Variants in CLOCK observed in about 807,000 individuals in gnomAD.
CLOCK encodes the protein circadian locomoter output cycles protein kaput.
A neutral mutation model predicts 118.4 loss-of-function variants in CLOCK; 43 were observed. That is an observed-to-expected ratio of 0.36 (90% CI 0.28 to 0.47). The LOEUF is 0.47. CLOCK is among the 20% of genes least tolerant of loss of function. The pLI is 1.00. For missense variants in CLOCK, 846 were observed against 999.9 expected (o/e 0.85, Z 2.08); for synonymous variants, 326 against 339.2 (o/e 0.96, Z 0.43).
chr4:55,535,242 T>C (rs577134837), intron 1 of CLOCK, among the ~76,000 whole-genome samples: 5 of 152,128 alleles, frequency 3.3e-5, no homozygotes, highest in Non-Finnish European at 7.3e-5. Flanking sequence ...TTTAGGTTTG[T>C]CAAAACTCAA....
Position 55,435,372 on chromosome 4 carries a change from C to T in CLOCK, c.*43G>A. On this transcript the variant is annotated 3_prime_UTR_variant, in exon 23 of 23. Coordinates refer to ENST00000513440, the MANE Select transcript of CLOCK (RefSeq NM_004898.4). ...GGTCATCTGAGTAACTCTTAATGGG[C>T]CATCCCCTTCCTCCCTTGATGTCAA... The T allele has an allele frequency of 6.2e-7, 1 of 1,609,488 alleles. No individual in the cohort carries two copies. Among genetic ancestry groups the T allele is most frequent in the Admixed American group, 1.7e-5 (1 of 59,956 alleles).
chr4:55,439,845 GAGA>G (rs1267850912), intron 21 of CLOCK, among the ~76,000 whole-genome samples: 2 of 152,254 alleles, frequency 1.3e-5, no homozygotes, highest in African/African-American at 4.8e-5. Flanking sequence ...TGGTTGGGGA[GAGA>G]AGAATGGGGA....
intron 6 of CLOCK, 48 bp from the exon 7 acceptor site, chr4:55,476,102 G>C (rs765094475): frequency 8.2e-7 from 1 of 1,219,586 alleles, no homozygotes; most frequent in African/African-American, 1.5e-5. Context: ...CACCGGAGGA[G>C]TACAAAAGCC....
At chr4:55,520,047 G>T (rs907365226) in intron 1 of CLOCK, among the ~76,000 whole-genome samples, 4 of 152,136 alleles carry the variant, frequency 2.6e-5, no homozygotes, top group African/African-American at 4.8e-5. Flanking sequence ...CTCTGCAGTT[G>T]TATCACCTTA....
At chr4:55,540,436 C>T (rs914996183) in intron 1 of CLOCK, 1 of 152,044 alleles carries the variant, frequency 6.6e-6, no homozygotes, top group Non-Finnish European at 1.5e-5. Flanking sequence ...CAACTCTTTA[C>T]ATTAAACCAT....
chr4:55,467,193 G>C (rs1327339730), intron 8 of CLOCK, among the ~76,000 whole-genome samples: 1 of 152,128 alleles, frequency 6.6e-6, no homozygotes, highest in Non-Finnish European at 1.5e-5. Context: ...ATTCCAATGA[G>C]ATCTATCACA....
intron 2 of CLOCK, among the ~76,000 whole-genome samples, chr4:55,499,863 C>T (rs549100151): frequency 6.6e-6 from 1 of 152,154 alleles, no homozygotes; most frequent in South Asian, 2.1e-4. Flanking sequence ...TGTGTTCATA[C>T]ATGCAATTAG....
At position 55,434,159 on chromosome 4, in the gene CLOCK, C is replaced by G. The variant is rs912023739; in HGVS notation, c.*1256G>C. ...AAGGTTTCAAAACTGCTACGGAAACCGGACAATGACTTCAAGATGGTGAGT... is the reference window on the plus strand; with the variant it reads ...AAGGTTTCAAAACTGCTACGGAAACGGGACAATGACTTCAAGATGGTGAGT... On this transcript the variant is annotated 3_prime_UTR_variant, in exon 23 of 23. Transcript: ENST00000513440. 6.6e-6 allele frequency: 1 copy of G among 152,548 alleles called. No homozygotes were observed. Among genetic ancestry groups the G allele is most frequent in the Non-Finnish European group, 1.5e-5 (1 of 68,034 alleles). 9.4% of individuals were successfully genotyped at this position (152,548 alleles called of 1,614,324 possible). A position where few individuals can be genotyped will look rare whatever the true frequency, so the allele number is the denominator to read the frequency against.
At chr4:55,535,476 G>A (rs1730832849) in intron 1 of CLOCK, among the ~76,000 whole-genome samples, 1 of 152,070 alleles carries the variant, frequency 6.6e-6, no homozygotes, top group Non-Finnish European at 1.5e-5. Flanking sequence ...GAAGGTCAAA[G>A]CAGGAGGATC....
chr4:55,459,091 A>C (rs1221630016), intron 10 of CLOCK, 57 bp downstream of exon 10: 2 of 1,464,550 alleles, frequency 1.4e-6, no homozygotes, highest in African/African-American at 1.4e-5. Flanking sequence ...CTATGTCTTT[A>C]AGAGCACAGA....
At chr4:55,448,668 G>C in intron 18 of CLOCK, 111 bp downstream of exon 18, 1 of 581,942 alleles carries the variant, frequency 1.7e-6, no homozygotes, top group Non-Finnish European at 3.1e-6. Context: ...CTCCCAAGTA[G>C]CTGTGGCTAC....
chr4:55,444,993 G>A (rs974327242), intron 18 of CLOCK, among the ~76,000 whole-genome samples: 1 of 152,116 alleles, frequency 6.6e-6, no homozygotes, highest in African/African-American at 2.4e-5. Context: ...TTTGCCAGCA[G>A]GCACAAAGTT....
At chr4:55,530,946 G>A (rs1336156275) in intron 1 of CLOCK, among the ~76,000 whole-genome samples, 2 of 152,078 alleles carry the variant, frequency 1.3e-5, no homozygotes, top group South Asian at 4.2e-4. Flanking sequence ...GAAGCAGGAA[G>A]TAGGAGGGCT....
chr4:55,456,079 G>T (rs962300713), intron 12 of CLOCK, 76 bp from the exon 13 acceptor site: 13 of 1,119,508 alleles, frequency 1.2e-5, no homozygotes, highest in Non-Finnish European at 1.6e-5. Flanking sequence ...ATAAACTTTG[G>T]GGGGGGGGCT....
intron 1 of CLOCK, among the ~76,000 whole-genome samples, chr4:55,516,096 T>C (rs1467938832): frequency 6.6e-6 from 1 of 152,194 alleles, no homozygotes; most frequent in African/African-American, 2.4e-5. Flanking sequence ...TTTAAATTTG[T>C]TAAGGTGTTT....
intron 2 of CLOCK, among the ~76,000 whole-genome samples, chr4:55,492,822 G>A (rs765004450): frequency 2.6e-5 from 4 of 152,146 alleles, no homozygotes; most frequent in Admixed American, 2.0e-4. Flanking sequence ...TCTGACCTGG[G>A]TGACAGAGCG....
chr4:55,513,822 G>A (rs1019009416), intron 1 of CLOCK, among the ~76,000 whole-genome samples: 1 of 151,792 alleles, frequency 6.6e-6, no homozygotes, highest in Admixed American at 6.6e-5. Flanking sequence ...AGTTTTCTTT[G>A]TACATATTTT....
At chr4:55,530,315 G>C (rs1168342572) in intron 1 of CLOCK, among the ~76,000 whole-genome samples, 1 of 152,074 alleles carries the variant, frequency 6.6e-6, no homozygotes, top group Non-Finnish European at 1.5e-5. Context: ...ATGCTCAACA[G>C]AATTGAGCAA....
Position 55,485,212 on chromosome 4 carries a change from G to A in CLOCK, c.-43-2384C>T, listed in dbSNP as rs555824227. On this transcript the variant is annotated intron_variant, in intron 3 of 22. Transcript: ENST00000513440. ...ACTCCTCAACTCTGGTGATCCGCCTGCCTCAGCCTCCCAAAGTGCTGGGAT... is the reference window on the plus strand; with the variant it reads ...ACTCCTCAACTCTGGTGATCCGCCTACCTCAGCCTCCCAAAGTGCTGGGAT... 8.5e-5 allele frequency among the ~76,000 whole-genome samples: 13 copies of A among 152,242 alleles called. No homozygotes were observed. The South Asian group carries it at 1.5e-3, about 17-fold the overall frequency.
Sources: gnomAD v4.1 joint callset for allele counts (sites outside exome capture counted in the v4.1 genomes callset) on GRCh38, gnomAD v4.1.1 for gene constraint, MANE v1.5 for transcripts, NCBI Gene and HGNC (gene_info 2026-07-23, HGNC 2026-07-21) for gene names.